The following GATAD2B variants were observed in gnomAD, a reference collection of about 807,000 sequenced individuals.
The protein encoded by GATAD2B is GATA zinc finger domain containing 2B, also known as transcriptional repressor p66-beta.
GATAD2B carries 8 observed loss-of-function variants against 64.3 expected under a neutral mutation model. The ratio of observed to expected loss-of-function variants is 0.12; its 90% CI spans 0.07 to 0.22. The LOEUF is 0.22. Ranked by LOEUF, GATAD2B falls within the 10% of genes least tolerant of loss-of-function variation. The pLI is 1.00. For missense variants in GATAD2B, 453 were observed against 752.0 expected (o/e 0.60, Z 4.65); for synonymous variants, 281 against 271.3 (o/e 1.04, Z -0.35).
rs370978774 is a variant in GATAD2B, at chr1:153,868,927, C to A, written c.-1-40579G>T. 7.9e-4 allele frequency among the ~76,000 whole-genome samples: 120 copies of A among 151,860 alleles called. 3 individuals are homozygous for A. In the South Asian group the frequency reaches 0.024, roughly 30 times the overall value. On this transcript the variant is annotated intron_variant, in intron 1 of 10. Coordinates refer to ENST00000368655, the MANE Select transcript of GATAD2B (RefSeq NM_020699.4). ...TTTCGTATTTTTAGTAGAGACGAAG[C>A]CAAGATACTTAGAAGCCACTGTGTA...
intron 7 of GATAD2B, among the ~76,000 whole-genome samples, chr1:153,813,939 G>C (rs1416200393): frequency 2.6e-5 from 4 of 152,180 alleles, no homozygotes; most frequent in Non-Finnish European, 5.9e-5. Flanking sequence ...AATTGTGCCA[G>C]TGCACTCCAG....
At chr1:153,839,658 T>C (rs1031877128) in intron 1 of GATAD2B, among the ~76,000 whole-genome samples, 3 of 152,166 alleles carry the variant, frequency 2.0e-5, no homozygotes, top group Non-Finnish European at 4.4e-5. Context: ...ATTTAACACA[T>C]AAAAAGTAAG....
rs906441475 is a variant in GATAD2B, at chr1:153,817,506, G to C, written c.766C>G (p.Leu256Val). ...CGTTGAGACATCAACATGTGTGGAA[G>C]GGTGGTATTGGTAGCTGAACGGATG... ...SVIRSATNTT[L>V]PHMLMSQRVI... Residue 256 changes from leucine (L) to valine (V), a missense_variant, in exon 6 of 11, where the codon CTT becomes GTT. Leu to Val is a conservative substitution (Grantham distance 32). Around this residue, in one of 2 missense-constraint regions of GATAD2B, gnomAD observed 293 missense variants for 417.2 expected, o/e 0.70. Coordinates refer to ENST00000368655, the MANE Select transcript of GATAD2B (RefSeq NM_020699.4). 4 of 1,608,098 alleles carry C rather than the reference G, an allele frequency of 2.5e-6. No individual in the cohort carries two copies. Among genetic ancestry groups the C allele is most frequent in the Non-Finnish European group, 3.4e-6 (4 of 1,178,046 alleles).
rs1455791689 is a variant in GATAD2B at position 153,804,829 on chromosome 1, G to C, written c.*5348C>G. The C allele has an allele frequency of 6.6e-6, 1 of 152,298 alleles. No individual in the cohort carries two copies. Among genetic ancestry groups the C allele is most frequent in the East Asian group, 1.9e-4 (1 of 5,194 alleles). The allele number at this position is 152,298 out of a possible 1,614,324, so 9.4% of individuals were successfully genotyped here. On this transcript the variant is annotated 3_prime_UTR_variant, in exon 11 of 11. Coordinates refer to ENST00000368655, the MANE Select transcript of GATAD2B (RefSeq NM_020699.4). ...TTCTCCAAAAATTAGCTTATTATTT[G>C]AATCTGTCACTGCTGAAATGCTCAG...
At chr1:153,823,307 G>GCTC (rs1674748880) in intron 2 of GATAD2B, among the ~76,000 whole-genome samples, 1 of 152,140 alleles carries the variant, frequency 6.6e-6, no homozygotes, top group Admixed American at 6.6e-5. Context: ...AAGCTATAAA[G>GCTC]CTCCTAATCC....
At chr1:153,896,692 T>C (rs1195839501) in intron 1 of GATAD2B, among the ~76,000 whole-genome samples, 5 of 152,092 alleles carry the variant, frequency 3.3e-5, no homozygotes, top group Admixed American at 6.6e-5. Context: ...TGGCTCGGCC[T>C]CCCAAAGTGC....
At chr1:153,837,705 C>T (rs564266371) in intron 1 of GATAD2B, among the ~76,000 whole-genome samples, 2 of 152,118 alleles carry the variant, frequency 1.3e-5, no homozygotes, top group African/African-American at 2.4e-5. Flanking sequence ...GTGATGGTTG[C>T]ACAACTTTGT....
At chr1:153,861,788 A>C (rs1274250464) in intron 1 of GATAD2B, among the ~76,000 whole-genome samples, 12 of 91,866 alleles carry the variant, frequency 1.3e-4, no homozygotes, top group Non-Finnish European at 2.0e-4. Context: ...TTTCAAAAAA[A>C]AAAAAAAATA....
chr1:153,841,318 T>C (rs981384042), intron 1 of GATAD2B, among the ~76,000 whole-genome samples: 1 of 152,008 alleles, frequency 6.6e-6, no homozygotes, highest in Non-Finnish European at 1.5e-5. Context: ...TGTATGTACT[T>C]AGTTCTACAC....
intron 8 of GATAD2B, 30 bp downstream of exon 8, chr1:153,813,220 A>T (rs1462271626): frequency 1.3e-6 from 2 of 1,577,134 alleles, no homozygotes; most frequent in East Asian, 4.5e-5. Context: ...AAACTGGGAC[A>T]GGTGGCCAGT....
chr1:153,861,128 A>T (rs993815822), intron 1 of GATAD2B, among the ~76,000 whole-genome samples: 4 of 152,210 alleles, frequency 2.6e-5, no homozygotes, highest in African/African-American at 9.6e-5. Flanking sequence ...AAGAAAGGGT[A>T]ATCTAAGATT....
chr1:153,905,232 G>A (rs1451567300), intron 1 of GATAD2B, among the ~76,000 whole-genome samples: 1 of 151,928 alleles, frequency 6.6e-6, no homozygotes, highest in East Asian at 1.9e-4. Flanking sequence ...ACAATTAGCC[G>A]GGCGTGGTGG....
At chr1:153,861,941 G>C (rs952331069) in intron 1 of GATAD2B, among the ~76,000 whole-genome samples, 1 of 149,178 alleles carries the variant, frequency 6.7e-6, no homozygotes, top group African/African-American at 2.5e-5. Context: ...AAAATTTTTA[G>C]GATACAGAAA....
rs1319507618 is a variant in GATAD2B at position 153,805,098 on chromosome 1, C to T, written c.*5079G>A. 8.2e-6 allele frequency: 1 copy of T among 121,314 alleles called. No individual in the cohort carries two copies. Among genetic ancestry groups the T allele is most frequent in the African/African-American group, 3.1e-5 (1 of 32,502 alleles). The allele number at this position is 121,314 out of a possible 1,614,324, so 7.5% of individuals were successfully genotyped here. A position where few individuals can be genotyped will look rare whatever the true frequency, so the allele number is the denominator to read the frequency against. Reference sequence around the variant, plus strand: ...ACCCCCCAACCCCAATCTATCCTTTCACCTTCACCAGGGCTTCACCCATCA... The same window carrying T: ...ACCCCCCAACCCCAATCTATCCTTTTACCTTCACCAGGGCTTCACCCATCA... On this transcript the variant is annotated 3_prime_UTR_variant, in exon 11 of 11. Coordinates refer to ENST00000368655, the MANE Select transcript of GATAD2B (RefSeq NM_020699.4).
intron 1 of GATAD2B, among the ~76,000 whole-genome samples, chr1:153,876,260 A>AAAAAAAAAAAT (rs1676831211): frequency 7.2e-6 from 1 of 139,328 alleles, no homozygotes; most frequent in Non-Finnish European, 1.6e-5. Flanking sequence ...AAAAAAAAAA[A>AAAAAAAAAAAT]GATTTCACAG....
At chr1:153,908,101 C>G (rs1308760592) in intron 1 of GATAD2B, among the ~76,000 whole-genome samples, 1 of 152,212 alleles carries the variant, frequency 6.6e-6, no homozygotes, top group African/African-American at 2.4e-5. Context: ...TCACGCCCAG[C>G]CTAAGATGGT....
chr1:153,840,380 C>A (rs1404691841), intron 1 of GATAD2B, among the ~76,000 whole-genome samples: 1 of 148,912 alleles, frequency 6.7e-6, no homozygotes, highest in African/African-American at 2.5e-5. Context: ...TCTTGTTGCC[C>A]AGGCTGGAGT....
intron 1 of GATAD2B, among the ~76,000 whole-genome samples, 187 bp downstream of exon 1, chr1:153,922,545 AG>A (rs1205215489): frequency 2.6e-4 from 4 of 15,288 alleles, no homozygotes; most frequent in Non-Finnish European, 5.3e-4. Flanking sequence ...GGGTGGGGGG[AG>A]GGGGACGCAA....
chr1:153,849,435 G>A (rs1057226981), intron 1 of GATAD2B, among the ~76,000 whole-genome samples: 1 of 152,194 alleles, frequency 6.6e-6, no homozygotes, highest in Non-Finnish European at 1.5e-5. Context: ...ACATTCACAA[G>A]ATAGCAGATA....
Sources: allele counts gnomAD v4.1 joint callset (sites outside exome capture counted in the v4.1 genomes callset), GRCh38; gene constraint gnomAD v4.1.1; regional missense constraint gnomAD v4.1.1; transcripts MANE v1.5; gene names NCBI Gene and HGNC (gene_info 2026-07-23, HGNC 2026-07-21).